Variants in USP38 observed in about 807,000 individuals in gnomAD.
USP38 encodes ubiquitin specific peptidase 38, also known as ubiquitin carboxyl-terminal hydrolase 38.
In USP38, 49 loss-of-function variants were observed where a neutral mutation model predicts 94.3. The ratio of observed to expected loss-of-function variants is 0.52; its 90% confidence interval spans 0.41 to 0.66. The LOEUF is 0.66. Among genes scored for constraint, USP38 ranks in the 30% least tolerant of loss-of-function variants. The pLI, the probability that USP38 is intolerant of heterozygous loss-of-function variation, is 0.00. For missense variants in USP38, 1,128 were observed against 1,229.4 expected (o/e 0.92, Z 1.23); for synonymous variants, 468 against 463.6 (o/e 1.01, Z -0.12).
intron 6 of USP38, among the ~76,000 whole-genome samples, chr4:143,207,694 A>G (rs762902531): frequency 6.0e-5 from 9 of 150,300 alleles, no homozygotes; most frequent in East Asian, 3.9e-4. Context: ...GAGCAGCTAT[A>G]TCTTTAGACA....
intron 9 of USP38, among the ~76,000 whole-genome samples, chr4:143,218,394 G>A (rs1332040870): frequency 6.6e-6 from 1 of 151,954 alleles, no homozygotes; most frequent in Admixed American, 6.6e-5. Flanking sequence ...CACATTCTAT[G>A]ATAATCATAA....
Position 143,198,498 on chromosome 4 carries a change from T to C in USP38, c.1050+574T>C, listed in dbSNP as rs183039887. On this transcript the variant is annotated intron_variant, in intron 4 of 9. Transcript: ENST00000307017. ...GGGCATCATAGGAAAACAGTGCCTT[T>C]GTGTGGTTACTTAATTCTTCCAAAG... is the stretch of plus-strand genomic sequence containing the variant. Among the ~76,000 whole-genome samples, 492 of 152,318 alleles carry C rather than the reference T, an allele frequency of 3.2e-3. 1 individual carries two copies. The highest frequency in any genetic ancestry group is 5.8e-3 in the Admixed American group (88 of 15,292).
chr4:143,187,776 T>C (rs753878523), intron 1 of USP38, 50 bp from the exon 2 acceptor site: 2 of 1,549,316 alleles, frequency 1.3e-6, no homozygotes, highest in Non-Finnish European at 1.7e-6. Flanking sequence ...TCTTTTTAAA[T>C]ACTTGAACCT....
chr4:143,212,172 G>A (rs976668000), intron 7 of USP38, 146 bp from the exon 8 acceptor site: 2 of 516,858 alleles, frequency 3.9e-6, no homozygotes, highest in Non-Finnish European at 6.8e-6. Flanking sequence ...AATTTTATCT[G>A]TCCCTAAGTT....
chr4:143,187,101 T>C (rs1362997939), intron 1 of USP38, among the ~76,000 whole-genome samples: 1 of 152,210 alleles, frequency 6.6e-6, no homozygotes, highest in Non-Finnish European at 1.5e-5. Flanking sequence ...TTTTTTCTTA[T>C]TGTAATTTTA....
rs1384715328 is a variant in USP38, at chr4:143,198,652, A to G, written c.1050+728A>G. On this transcript the variant is annotated intron_variant, in intron 4 of 9. Coordinates refer to ENST00000307017, the MANE Select transcript of USP38 (RefSeq NM_032557.6). ...GAAGTTCAGAATTCCATTTGTTTTTATTTATCTAGAATATATTCACATAGG... is the reference window on the plus strand; with the variant it reads ...GAAGTTCAGAATTCCATTTGTTTTTGTTTATCTAGAATATATTCACATAGG... Among the ~76,000 whole-genome samples, 3 of 152,168 alleles carry G rather than the reference A, an allele frequency of 2.0e-5. No homozygotes were observed. In the East Asian group the frequency reaches 5.8e-4, roughly 29 times the overall value.
rs777121129 is a variant in USP38, at chr4:143,187,969, T to A, written c.818+8T>A. Reference sequence around the variant, plus strand: ...GACCCAAGCCCTTTGCAGGTACTTCTTCATGACACTATTAATGGTAATTGT... The same window carrying A: ...GACCCAAGCCCTTTGCAGGTACTTCATCATGACACTATTAATGGTAATTGT... On this transcript the variant is annotated splice_region_variant and intron_variant, in intron 2 of 9. Transcript: ENST00000307017. 1 of 1,606,342 alleles carries A rather than the reference T, an allele frequency of 6.2e-7. No individual in the cohort carries two copies. Among genetic ancestry groups the A allele is most frequent in the African/African-American group, 1.3e-5 (1 of 74,564 alleles).
At position 143,220,684 on chromosome 4, in the gene USP38, T is replaced by C. The variant is rs2149615116; in HGVS notation, c.*228T>C. The C allele has an allele frequency of 2.7e-6, 1 of 369,356 alleles. No individual in the cohort carries two copies. The highest frequency in any genetic ancestry group is 1.2e-4 in the South Asian group (1 of 8,460). The allele number at this position is 369,356 out of a possible 1,614,324, so 22.9% of individuals were successfully genotyped here. On this transcript the variant is annotated 3_prime_UTR_variant, in exon 10 of 10. Transcript: ENST00000307017. Reference sequence around the variant, plus strand: ...CATTTGCTTTTATGGTTAGACATGCTTGACCAAAAATGTTCAGAAGAAAAT... The same window carrying C: ...CATTTGCTTTTATGGTTAGACATGCCTGACCAAAAATGTTCAGAAGAAAAT...
intron 8 of USP38, among the ~76,000 whole-genome samples, chr4:143,213,296 A>C (rs1732078809): frequency 6.6e-6 from 1 of 152,144 alleles, no homozygotes; most frequent in Non-Finnish European, 1.5e-5. Flanking sequence ...GAAGACAGAG[A>C]TATATAAGAC....
At chr4:143,218,550 C>A (rs1732243689) in intron 9 of USP38, among the ~76,000 whole-genome samples, 1 of 151,894 alleles carries the variant, frequency 6.6e-6, no homozygotes, top group South Asian at 2.1e-4. Flanking sequence ...AATAATAAAG[C>A]AGAAAAAGTA....
At chr4:143,188,109 GT>G in intron 2 of USP38, 148 bp downstream of exon 2, 1 of 1,061,662 alleles carries the variant, frequency 9.4e-7, no homozygotes. Context: ...GATTGGAATT[GT>G]TTATAGCGTT....
chr4:143,213,509 A>G (rs1286830337), intron 8 of USP38, 72 bp from the exon 9 acceptor site: 1 of 1,386,856 alleles, frequency 7.2e-7, no homozygotes, highest in Non-Finnish European at 9.6e-7. Context: ...TATAGAAGCC[A>G]CTAATATTTT....
chr4:143,201,185 C>T (rs913569337), intron 4 of USP38, among the ~76,000 whole-genome samples: 10 of 152,066 alleles, frequency 6.6e-5, no homozygotes, highest in Admixed American at 5.9e-4. Flanking sequence ...AAAACAGGCA[C>T]ATAGACTAAT....
In USP38 at chr4:143,195,731, A is replaced by C. The variant is rs377307108; in HGVS notation, c.834A>C (p.Leu278=). 6.9e-6 allele frequency: 11 copies of C among 1,601,468 alleles called. No homozygotes were observed. Among genetic ancestry groups the C allele is most frequent in the Non-Finnish European group, 9.4e-6 (11 of 1,175,446 alleles). ...TQALCRMIDW[L]SWPLAQHVDT... is the part of the protein sequence containing the mutation. Reference sequence around the variant, plus strand: ...TCAATTTCAGAATGATTGACTGGCTATCCTGGCCATTGGCTCAGCATGTGG... The same window carrying C: ...TCAATTTCAGAATGATTGACTGGCTCTCCTGGCCATTGGCTCAGCATGTGG... The change falls in exon 3 of 10, where the codon CTA becomes CTC. Residue 278 remains leucine (L), a synonymous_variant. Coordinates refer to ENST00000307017, the MANE Select transcript of USP38 (RefSeq NM_032557.6).
In USP38 at chr4:143,198,122, A is replaced by G. The variant is rs578116161; in HGVS notation, c.1050+198A>G. Among the ~76,000 whole-genome samples, 13 of 152,248 alleles carry G rather than the reference A, an allele frequency of 8.5e-5. No homozygotes were observed. The South Asian group carries it at 2.7e-3, about 32-fold the overall frequency. On this transcript the variant is annotated intron_variant, in intron 4 of 9. Coordinates refer to ENST00000307017, the MANE Select transcript of USP38 (RefSeq NM_032557.6). ...TATATTTTCGTGTCTCATTCAAACTACTCCACTTGCAACAACTACCAGCAG... is the reference window on the plus strand; with the variant it reads ...TATATTTTCGTGTCTCATTCAAACTGCTCCACTTGCAACAACTACCAGCAG...
At chr4:143,202,975 T>G (rs1379873715) in intron 4 of USP38, among the ~76,000 whole-genome samples, 1 of 152,170 alleles carries the variant, frequency 6.6e-6, no homozygotes. Flanking sequence ...CAATGTACTT[T>G]TAATTCTTTC....
rs1480870845 is a variant in USP38, at chr4:143,223,530, G to A, written c.*3074G>A. On this transcript the variant is annotated 3_prime_UTR_variant, in exon 10 of 10. Coordinates refer to ENST00000307017, the MANE Select transcript of USP38 (RefSeq NM_032557.6). Reference sequence around the variant, plus strand: ...TATGATAATCCTTAAAAAAGTAGTTGTCTTCTTTTCACATACACCTCTTTA... The same window carrying A: ...TATGATAATCCTTAAAAAAGTAGTTATCTTCTTTTCACATACACCTCTTTA... 6.6e-6 allele frequency: 1 copy of A among 152,022 alleles called. No individual in the cohort carries two copies. Among genetic ancestry groups the A allele is most frequent in the Non-Finnish European group, 1.5e-5 (1 of 67,966 alleles). 9.4% of individuals were successfully genotyped at this position (152,022 alleles called of 1,614,324 possible). A position where few individuals can be genotyped will look rare whatever the true frequency, so the allele number is the denominator to read the frequency against.
intron 5 of USP38, 56 bp downstream of exon 5, chr4:143,203,622 A>C: frequency 6.6e-7 from 1 of 1,516,456 alleles, no homozygotes; most frequent in Non-Finnish European, 8.9e-7. Flanking sequence ...ATAAGGTGAA[A>C]CATTCTTATA....
Position 143,204,824 on chromosome 4 carries a change from A to G in USP38, c.1210-1209A>G, listed in dbSNP as rs79807976. On this transcript the variant is annotated intron_variant, in intron 5 of 9. Coordinates refer to ENST00000307017, the MANE Select transcript of USP38 (RefSeq NM_032557.6). ...CTCAATCAGAAATTATTAGAAATCA[A>G]TTCTATTGATGGTTTTTTTGAGATC... Among the ~76,000 whole-genome samples, 723 of 152,302 alleles carry G rather than the reference A, an allele frequency of 4.7e-3. 8 individuals carry two copies. The highest frequency in any genetic ancestry group is 0.017 in the African/African-American group (689 of 41,550).
Sources: gnomAD v4.1 joint callset for allele counts (sites outside exome capture counted in the v4.1 genomes callset) on GRCh38, gnomAD v4.1.1 for gene constraint, MANE v1.5 for transcripts, NCBI Gene and HGNC (gene_info 2026-07-23, HGNC 2026-07-21) for gene names.